LRIF1: variants seen among roughly 807,000 people sequenced by gnomAD.
LRIF1 encodes the protein ligand-dependent nuclear receptor-interacting factor 1.
In LRIF1, 32 loss-of-function variants were observed where a neutral mutation model predicts 52.7. The ratio of observed to expected loss-of-function variants is 0.61; its 90% CI spans 0.46 to 0.82. The LOEUF is 0.82. Among genes scored for constraint, LRIF1 ranks in the 40% least tolerant of loss-of-function variants. The pLI is 0.00. For missense variants in LRIF1, 887 were observed against 892.0 expected, an observed-to-expected ratio of 0.99 and a Z score of 0.07; for synonymous variants, 323 against 317.4, an observed-to-expected ratio of 1.02 and a Z score of -0.19.
At chr1:110,937,289 A>G in the LRIF1 span, 1 of 152,114 alleles carries the variant, frequency 6.6e-6, no homozygotes, top group Admixed American at 6.5e-5. Context: ...GCTTCTCCTC[A>G]ATACATGAAT....
chr1:110,922,585 G>T, the LRIF1 span, among the ~76,000 whole-genome samples: 2 of 152,184 alleles, frequency 1.3e-5, no homozygotes, highest in Non-Finnish European at 2.9e-5. Flanking sequence ...TAATAAAATT[G>T]TCCTAACAAA....
At position 110,947,993 on chromosome 1, in the gene LRIF1, A is replaced by G. The variant is rs1658274361; in HGVS notation, c.2276T>C (p.Leu759Pro). 6.3e-7 allele frequency: 1 copy of G among 1,589,436 alleles called. No homozygotes were observed. Among genetic ancestry groups the G allele is most frequent in the Non-Finnish European group, 8.5e-7 (1 of 1,170,706 alleles). The change falls in exon 4 of 4, where the codon CTT becomes CCT. Residue 759 changes from leucine (L) to proline (P), a missense_variant. Physicochemically the swap from Leu to Pro is moderately conservative, Grantham distance 98. Transcript: ENST00000369763. Reference protein sequence around the residue: ...KQVLREKEAALEEMRKKMHQK With the variant: ...KQVLREKEAAPEEMRKKMHQK ...GTGCATCTTCTTACGCATTTCTTCA[A>G]GAGCTGCTTCTTTCTCTCTCAGCAC...
At position 110,951,474 on chromosome 1, in the gene LRIF1, C is replaced by G; in HGVS notation, c.1410G>C (p.Lys470Asn). ...NQSSNYLKQS[K>N]TLFTNPIFPV... ...GAAAGATTGGATTTGTGAATAAAGT[C>G]TTACTCTGTTTTAAGTAGTTACTGG... Residue 470 changes from lysine (K) to asparagine (N), a missense_variant, in exon 2 of 4, where the codon AAG (lysine) becomes AAC (asparagine). Lys to Asn is a moderately conservative substitution (Grantham distance 94, BLOSUM62 0). Coordinates refer to ENST00000369763, the MANE Select transcript of LRIF1 (RefSeq NM_018372.4). 1.9e-6 allele frequency: 3 copies of G among 1,614,048 alleles called. No homozygotes were observed. Among genetic ancestry groups the G allele is most frequent in the Non-Finnish European group, 2.5e-6 (3 of 1,180,008 alleles).
the LRIF1 span, among the ~76,000 whole-genome samples, chr1:110,920,602 A>C: frequency 6.6e-6 from 1 of 152,194 alleles, no homozygotes; most frequent in East Asian, 1.9e-4. Flanking sequence ...TAATACTACA[A>C]TGGTAGATAC....
chr1:110,961,460 A>G (rs1260947256), intron 1 of LRIF1, among the ~76,000 whole-genome samples: 1 of 152,216 alleles, frequency 6.6e-6, no homozygotes, highest in Non-Finnish European at 1.5e-5. Context: ...AATAAAACCC[A>G]AATCAATATA....
chr1:110,884,774 T>C, the LRIF1 span, among the ~76,000 whole-genome samples: 6 of 152,242 alleles, frequency 3.9e-5, no homozygotes, highest in African/African-American at 1.4e-4. Flanking sequence ...TTTTTTCCCT[T>C]TTATTAGTGT....
the LRIF1 span, chr1:110,894,926 A>G: frequency 6.5e-7 from 1 of 1,537,582 alleles, no homozygotes; most frequent in Non-Finnish European, 9.0e-7. Flanking sequence ...CCTGCTTTTT[A>G]CCATGTCTCC....
the LRIF1 span, among the ~76,000 whole-genome samples, chr1:110,907,427 T>C: frequency 1.3e-5 from 2 of 152,184 alleles, no homozygotes; most frequent in African/African-American, 4.8e-5. Context: ...GGTGGGCATC[T>C]TGCTCCAACT....
At chr1:110,953,006 TATG>T (rs1658548068) in intron 1 of LRIF1, 191 bp from the exon 2 acceptor site, 3 of 256,818 alleles carry the variant, frequency 1.2e-5, no homozygotes, top group East Asian at 1.4e-4. Context: ...CAACTGCTTA[TATG>T]ATTAGGCAAT....
Position 110,963,834 on chromosome 1 carries a change from A to T in LRIF1, c.-146T>A, listed in dbSNP as rs931889180. 5.1e-6 allele frequency: 3 copies of T among 586,100 alleles called. No homozygotes were observed. Among genetic ancestry groups the T allele is most frequent in the African/African-American group, 3.7e-5 (2 of 53,946 alleles). 36.3% of individuals were successfully genotyped at this position (586,100 alleles called of 1,614,324 possible). A position where few individuals can be genotyped will look rare whatever the true frequency, so the allele number is the denominator to read the frequency against. On this transcript the variant is annotated 5_prime_UTR_variant, in exon 1 of 4. Coordinates refer to ENST00000369763, the MANE Select transcript of LRIF1 (RefSeq NM_018372.4). ...AGGGGTTCGACCTTAACGGAGGGCG[A>T]CAGCGGGCTCTCGAGAGGGTGTATC... is the stretch of plus-strand genomic sequence containing the variant.
the LRIF1 span, among the ~76,000 whole-genome samples, chr1:110,924,104 T>A: frequency 6.6e-6 from 1 of 152,120 alleles, no homozygotes; most frequent in Non-Finnish European, 1.5e-5. Context: ...AATAACTTTA[T>A]GACAATACAT....
the LRIF1 span, chr1:110,892,220 G>C: frequency 3.9e-6 from 3 of 773,316 alleles, no homozygotes; most frequent in Non-Finnish European, 6.9e-6. Context: ...TAAAGAAATT[G>C]TTCATGAGAC....
At chr1:110,957,762 T>G (rs1658766314) in intron 1 of LRIF1, among the ~76,000 whole-genome samples, 1 of 149,760 alleles carries the variant, frequency 6.7e-6, no homozygotes, top group South Asian at 2.1e-4. Context: ...ACCTAGTCAT[T>G]GCTGATTTGT....
downstream of LRIF1, among the ~76,000 whole-genome samples, chr1:110,946,327 A>G (rs1044483591): frequency 2.6e-5 from 4 of 152,230 alleles, no homozygotes; most frequent in Non-Finnish European, 4.4e-5. Flanking sequence ...TGCCTATGGC[A>G]TAAGGAGAGG....
the LRIF1 span, among the ~76,000 whole-genome samples, chr1:110,922,891 C>G: frequency 1.3e-5 from 2 of 152,200 alleles, no homozygotes; most frequent in Non-Finnish European, 2.9e-5. Flanking sequence ...CCACATCACT[C>G]CAGACTCTGC....
chr1:110,922,627 T>C, the LRIF1 span, among the ~76,000 whole-genome samples: 1 of 152,224 alleles, frequency 6.6e-6, no homozygotes, highest in South Asian at 2.1e-4. Flanking sequence ...CCAATATGAA[T>C]AATACAAATT....
chr1:110,924,989 C>G, the LRIF1 span, among the ~76,000 whole-genome samples: 1 of 152,164 alleles, frequency 6.6e-6, no homozygotes, highest in Non-Finnish European at 1.5e-5. Flanking sequence ...TTAACATTCA[C>G]TAATTATTAA....
Position 110,951,779 on chromosome 1 carries a change from T to TA in LRIF1, c.1104dup (p.Lys369Ter), listed in dbSNP as rs775420355. 4 of 1,612,724 alleles carry TA rather than the reference T, an allele frequency of 2.5e-6. No homozygotes were observed. The highest frequency in any genetic ancestry group is 3.4e-6 in the Non-Finnish European group (4 of 1,180,010). On this transcript the variant is annotated frameshift_variant, in exon 2 of 4. Transcript: ENST00000369763. LOFTEE classifies it high-confidence loss of function. The stretch of plus-strand genomic sequence containing the variant: ...GATGGCAGAACATCTGTCCCCTTTT[T>TA]AGCCAACAGATAGACTTTCCCATTA...
the LRIF1 span, among the ~76,000 whole-genome samples, chr1:110,889,728 T>TA: frequency 3.3e-5 from 5 of 152,168 alleles, no homozygotes; most frequent in Non-Finnish European, 5.9e-5. Flanking sequence ...AAATTGTGAC[T>TA]GGAACTGTTA....
Sources: gnomAD v4.1 joint callset for allele counts (sites outside exome capture counted in the v4.1 genomes callset) on GRCh38, gnomAD v4.1.1 for gene constraint, MANE v1.5 for transcripts, NCBI Gene and HGNC (gene_info 2026-07-23, HGNC 2026-07-21) for gene names.